Variants in ASTN2 observed in about 807,000 individuals in gnomAD.
ASTN2 encodes the protein astrotactin 2, also known as astrotactin-2.
A neutral mutation model predicts 139.8 loss-of-function variants in ASTN2; 54 were observed. The ratio of observed to expected loss-of-function variants is 0.39; its 90% CI spans 0.31 to 0.48. ASTN2 has a LOEUF of 0.48. Ranked by LOEUF, ASTN2 falls within the 20% of genes least tolerant of loss-of-function variation. The pLI, the probability that ASTN2 is intolerant of heterozygous loss-of-function variation, is 0.95. For synonymous variants in ASTN2, 756 were observed against 719.5 expected (o/e 1.05, Z -0.81); for missense variants, 1,565 against 1,725.1 (o/e 0.91, Z 1.64).
intron 7 of ASTN2, among the ~76,000 whole-genome samples, chr9:116,994,844 G>A (rs1037680648): frequency 1.8e-4 from 27 of 152,106 alleles, no homozygotes; most frequent in Non-Finnish European, 3.1e-4. Context: ...CTCAATCCAT[G>A]TTTTAGTCAC....
At chr9:116,790,909 AAGAG>A (rs1159515694) in intron 13 of ASTN2, among the ~76,000 whole-genome samples, 10 of 141,554 alleles carry the variant, frequency 7.1e-5, no homozygotes, top group East Asian at 6.0e-4. Context: ...GAAAGAAAGA[AAGAG>A]AAAGAAAGGA....
At chr9:116,665,781 T>C (rs1242658485) in intron 16 of ASTN2, among the ~76,000 whole-genome samples, 6 of 152,206 alleles carry the variant, frequency 3.9e-5, no homozygotes, top group Non-Finnish European at 5.9e-5. Flanking sequence ...ATAATTGCAA[T>C]TGATTTAAAT....
chr9:116,558,358 C>T (rs1337876293), intron 19 of ASTN2, among the ~76,000 whole-genome samples: 4 of 148,966 alleles, frequency 2.7e-5, no homozygotes, highest in African/African-American at 7.4e-5. Flanking sequence ...CAAGTATGGT[C>T]ACTACTTTTT....
At position 116,803,068 on chromosome 9, in the gene ASTN2, T is replaced by C. The variant is rs543829883; in HGVS notation, c.2396+2564A>G. On this transcript the variant is annotated intron_variant, in intron 13 of 22. Coordinates refer to ENST00000313400, the MANE Select transcript of ASTN2 (RefSeq NM_001365068.1). ...CACTGCTTTGCAAATTAAATTTTTC[T>C]ATTTTTTTAAAACTTGTGTGTGTCA... Among the ~76,000 whole-genome samples, 46 of 152,338 alleles carry C rather than the reference T, an allele frequency of 3.0e-4. 2 individuals are homozygous for C. Among genetic ancestry groups the C allele is most frequent in the South Asian group, 2.1e-3 (10 of 4,828 alleles).
chr9:117,195,649 C>T (rs1486873141), intron 3 of ASTN2, among the ~76,000 whole-genome samples: 1 of 152,158 alleles, frequency 6.6e-6, no homozygotes, highest in Non-Finnish European at 1.5e-5. Context: ...GAAGCTTGAA[C>T]ACCAAGATAA....
At chr9:116,803,952 C>T (rs1830964965) in intron 13 of ASTN2, among the ~76,000 whole-genome samples, 1 of 151,972 alleles carries the variant, frequency 6.6e-6, no homozygotes, top group African/African-American at 2.4e-5. Flanking sequence ...CAGGTGTGAG[C>T]CACCATGCCT....
intron 10 of ASTN2, among the ~76,000 whole-genome samples, chr9:116,964,731 C>T (rs1835968626): frequency 6.6e-6 from 1 of 152,128 alleles, no homozygotes; most frequent in African/African-American, 2.4e-5. Flanking sequence ...ATGATAGTGC[C>T]AGACCAGAGA....
intron 3 of ASTN2, among the ~76,000 whole-genome samples, chr9:117,162,952 T>C (rs1830586153): frequency 6.6e-6 from 1 of 151,944 alleles, no homozygotes; most frequent in Non-Finnish European, 1.5e-5. Flanking sequence ...CAGGGACTGG[T>C]TTCTAAGGAG....
chr9:117,163,002 C>T (rs1040675588), intron 3 of ASTN2, among the ~76,000 whole-genome samples: 1 of 151,990 alleles, frequency 6.6e-6, no homozygotes, highest in Non-Finnish European at 1.5e-5. Context: ...TTAATGTCTA[C>T]CGGGATCACT....
chr9:117,178,900 G>A (rs926685242), intron 3 of ASTN2, among the ~76,000 whole-genome samples: 1 of 152,188 alleles, frequency 6.6e-6, no homozygotes, highest in African/African-American at 2.4e-5. Flanking sequence ...TGGCTCTGTG[G>A]GAGGCTGCTG....
chr9:117,229,996 A>G (rs1281018239), intron 2 of ASTN2, among the ~76,000 whole-genome samples: 1 of 151,742 alleles, frequency 6.6e-6, no homozygotes, highest in Non-Finnish European at 1.5e-5. Flanking sequence ...ACATAGTGAA[A>G]CCCCATCTCT....
chr9:116,788,081 C>A (rs1830425644), intron 13 of ASTN2, among the ~76,000 whole-genome samples: 1 of 152,036 alleles, frequency 6.6e-6, no homozygotes, highest in Admixed American at 6.6e-5. Context: ...ACAAATACTG[C>A]ATGTTCTCAC....
intron 1 of ASTN2, among the ~76,000 whole-genome samples, chr9:117,397,901 C>T (rs1424280896): frequency 2.0e-5 from 3 of 152,294 alleles, no homozygotes; most frequent in Admixed American, 2.0e-4. Context: ...ATGCCAGAGA[C>T]ACCCACCCCC....
chr9:117,362,958 C>T (rs1004373360), intron 1 of ASTN2, among the ~76,000 whole-genome samples: 2 of 152,198 alleles, frequency 1.3e-5, no homozygotes, highest in African/African-American at 4.8e-5. Flanking sequence ...TAATAAGCCT[C>T]TTCCTACCCT....
At chr9:116,606,636 C>T (rs989803741) in intron 19 of ASTN2, among the ~76,000 whole-genome samples, 4 of 152,072 alleles carry the variant, frequency 2.6e-5, no homozygotes, top group African/African-American at 9.7e-5. Context: ...CTAACCAAAA[C>T]AAGTCTTAAA....
chr9:117,353,325 A>G (rs1331286733), intron 1 of ASTN2, among the ~76,000 whole-genome samples: 1 of 152,120 alleles, frequency 6.6e-6, no homozygotes, highest in Non-Finnish European at 1.5e-5. Context: ...GTCCAATAGA[A>G]CTTTCTGCAA....
intron 19 of ASTN2, chr9:116,613,156 T>G (rs1855640689): frequency 6.6e-6 from 1 of 151,926 alleles, no homozygotes; most frequent in African/African-American, 2.4e-5. Context: ...ACATACAGCC[T>G]CCTCCCAAGA....
chr9:117,022,542 G>C (rs985832170), intron 6 of ASTN2, among the ~76,000 whole-genome samples: 5 of 152,094 alleles, frequency 3.3e-5, no homozygotes, highest in African/African-American at 1.2e-4. Flanking sequence ...AGTGCCCTGA[G>C]ATTCTCCTAG....
chr9:116,802,247 C>T (rs998052326), intron 13 of ASTN2, among the ~76,000 whole-genome samples: 4 of 151,900 alleles, frequency 2.6e-5, no homozygotes, highest in Admixed American at 1.3e-4. Context: ...CCACCACGCC[C>T]GGCTAATTTT....
Sources: gnomAD v4.1 joint callset for allele counts (sites outside exome capture counted in the v4.1 genomes callset) on GRCh38, gnomAD v4.1.1 for gene constraint, MANE v1.5 for transcripts, NCBI Gene and HGNC (gene_info 2026-07-23, HGNC 2026-07-21) for gene names.